Variants in LPAR1 observed in about 807,000 individuals in gnomAD.
LPAR1 encodes the protein lysophosphatidic acid receptor 1.
Under a neutral mutation model 23.8 loss-of-function variants are expected in LPAR1, and 5 were observed. That is an observed-to-expected ratio of 0.21 (90% CI 0.11 to 0.44). The LOEUF (loss-of-function observed/expected upper bound fraction) is 0.44. Ranked by LOEUF, LPAR1 falls within the 20% of genes least tolerant of loss-of-function variation. The pLI is 0.99. For missense variants in LPAR1, 311 were observed against 482.8 expected (o/e 0.64, Z 3.33); for synonymous variants, 160 against 164.7 (o/e 0.97, Z 0.22).
intron 5 of LPAR1, among the ~76,000 whole-genome samples, chr9:110,901,359 T>C (rs534364321): frequency 2.0e-5 from 3 of 152,292 alleles, no homozygotes; most frequent in East Asian, 1.9e-4. Context: ...CTTCAGCTCA[T>C]TGAAGCCCAT....
In LPAR1 at chr9:110,873,351, A is replaced by G. The variant is rs896702371; in HGVS notation, c.*2070T>C. The G allele has an allele frequency of 2.0e-5, 3 of 152,198 alleles. No homozygotes were observed. Among genetic ancestry groups the G allele is most frequent in the African/African-American group, 7.2e-5 (3 of 41,436 alleles). 9.4% of individuals were successfully genotyped at this position (152,198 alleles called of 1,614,324 possible). A position where few individuals can be genotyped will look rare whatever the true frequency, so the allele number is the denominator to read the frequency against. ...CTCCAGAAAAATATGCACATGTGTA[A>G]AAGTCCACGTTCATTTCTTTCACTT... On this transcript the variant is annotated 3_prime_UTR_variant, in exon 6 of 6. Transcript: ENST00000683809.
intron 4 of LPAR1, among the ~76,000 whole-genome samples, chr9:110,958,048 G>A (rs564154768): frequency 6.6e-6 from 1 of 152,164 alleles, no homozygotes; most frequent in East Asian, 1.9e-4. Flanking sequence ...CCTCTTCAAG[G>A]AAAACTACAA....
chr9:110,911,201 G>A (rs2092387169), intron 5 of LPAR1, among the ~76,000 whole-genome samples: 1 of 152,118 alleles, frequency 6.6e-6, no homozygotes, highest in Non-Finnish European at 1.5e-5. Context: ...AACCACCACT[G>A]TCATCAGCCA....
At chr9:111,027,574 C>T (rs1438868591) in intron 2 of LPAR1, among the ~76,000 whole-genome samples, 1 of 151,618 alleles carries the variant, frequency 6.6e-6, no homozygotes, top group African/African-American at 2.4e-5. Context: ...AAGTCCTGTC[C>T]TCATCTAAGA....
chr9:111,013,567 C>T (rs1423628782), intron 2 of LPAR1, among the ~76,000 whole-genome samples: 3 of 152,034 alleles, frequency 2.0e-5, no homozygotes, highest in Non-Finnish European at 4.4e-5. Flanking sequence ...TTAATGGATT[C>T]CAAGGGCATT....
At chr9:110,981,283 T>TA (rs2096660717) in intron 2 of LPAR1, among the ~76,000 whole-genome samples, 1 of 152,084 alleles carries the variant, frequency 6.6e-6, no homozygotes, top group African/African-American at 2.4e-5. Context: ...TACAGTACGC[T>TA]AGGGAATCCA....
intron 5 of LPAR1, among the ~76,000 whole-genome samples, chr9:110,923,623 G>A (rs1453597589): frequency 6.6e-6 from 1 of 152,200 alleles, no homozygotes; most frequent in Non-Finnish European, 1.5e-5. Context: ...TTATGGAGAT[G>A]TAACCCCACC....
At chr9:110,924,120 C>T (rs1332074541) in intron 5 of LPAR1, among the ~76,000 whole-genome samples, 1 of 151,868 alleles carries the variant, frequency 6.6e-6, no homozygotes, top group African/African-American at 2.4e-5. Flanking sequence ...GACTCCCAAT[C>T]CCCTTGTGAT....
At chr9:110,985,725 A>AT (rs987014824) in intron 2 of LPAR1, among the ~76,000 whole-genome samples, 1 of 152,100 alleles carries the variant, frequency 6.6e-6, no homozygotes, top group African/African-American at 2.4e-5. Flanking sequence ...ATAACCAAGA[A>AT]TTGTAAAATT....
intron 4 of LPAR1, among the ~76,000 whole-genome samples, chr9:110,971,486 A>T (rs551140727): frequency 1.3e-5 from 2 of 152,294 alleles, no homozygotes; most frequent in African/African-American, 4.8e-5. Context: ...GCCTGATTAA[A>T]TCAGGCTGTA....
intron 5 of LPAR1, among the ~76,000 whole-genome samples, chr9:110,899,521 C>T (rs551747778): frequency 5.3e-5 from 8 of 152,114 alleles, no homozygotes; most frequent in Non-Finnish European, 8.8e-5. Flanking sequence ...AAATGGGAAC[C>T]GTAAGTGCAG....
chr9:111,031,033 A>G (rs1305619989), intron 2 of LPAR1, among the ~76,000 whole-genome samples: 1 of 152,226 alleles, frequency 6.6e-6, no homozygotes, highest in African/African-American at 2.4e-5. Flanking sequence ...ATGGAAGGCT[A>G]TGGAACAAAC....
At chr9:110,989,158 T>C (rs1462055861) in intron 2 of LPAR1, among the ~76,000 whole-genome samples, 1 of 152,152 alleles carries the variant, frequency 6.6e-6, no homozygotes, top group Non-Finnish European at 1.5e-5. Flanking sequence ...AAAACAAATA[T>C]GAGGTTTCTC....
chr9:110,915,477 T>C (rs193166349), intron 5 of LPAR1, among the ~76,000 whole-genome samples: 3,234 of 151,962 alleles, frequency 0.021, 63 homozygotes, highest in Non-Finnish European at 0.035. Flanking sequence ...ACCTGGGAGG[T>C]GGAGGTTGTA....
At chr9:110,985,344 A>G (rs1473471680) in intron 2 of LPAR1, among the ~76,000 whole-genome samples, 1 of 152,090 alleles carries the variant, frequency 6.6e-6, no homozygotes, top group African/African-American at 2.4e-5. Flanking sequence ...ATCCTTTTCC[A>G]CAAATAAGAT....
In LPAR1 at chr9:110,895,582, G is replaced by C. The variant is rs535881855; in HGVS notation, c.794-19860C>G. Reference sequence around the variant, plus strand: ...TAAGCCAGGGAGGGAACTCTTTAGGGAGTGAACACACAGGCCTCATATTTC... The same window carrying C: ...TAAGCCAGGGAGGGAACTCTTTAGGCAGTGAACACACAGGCCTCATATTTC... On this transcript the variant is annotated intron_variant, in intron 5 of 5. Coordinates refer to ENST00000683809, the MANE Select transcript of LPAR1 (RefSeq NM_001351411.2). 6.5e-4 allele frequency among the ~76,000 whole-genome samples: 99 copies of C among 152,294 alleles called. 1 individual carries two copies. Among genetic ancestry groups the C allele is most frequent in the African/African-American group, 2.3e-3 (95 of 41,558 alleles).
At chr9:110,938,826 A>T (rs2094900531) in intron 5 of LPAR1, among the ~76,000 whole-genome samples, 1 of 152,166 alleles carries the variant, frequency 6.6e-6, no homozygotes, top group African/African-American at 2.4e-5. Context: ...ATGAGCCAAG[A>T]TCATGCCACT....
chr9:110,930,643 T>C (rs193058863), intron 5 of LPAR1, among the ~76,000 whole-genome samples: 6 of 152,054 alleles, frequency 3.9e-5, no homozygotes, highest in Admixed American at 3.9e-4. Flanking sequence ...AAAGTGAATA[T>C]TGGGCCGGGC....
chr9:111,015,074 C>T (rs939665224), intron 2 of LPAR1, among the ~76,000 whole-genome samples: 2 of 152,070 alleles, frequency 1.3e-5, no homozygotes, highest in African/African-American at 4.8e-5. Flanking sequence ...CATGAAGACA[C>T]GGGGAGGAGA....
Sources: allele counts gnomAD v4.1 joint callset (sites outside exome capture counted in the v4.1 genomes callset), GRCh38; gene constraint gnomAD v4.1.1; transcripts MANE v1.5; gene names NCBI Gene and HGNC (gene_info 2026-07-23, HGNC 2026-07-21).